Variants in BBS9 observed in about 807,000 individuals in gnomAD.
BBS9 encodes protein PTHB1.
Under a neutral mutation model 117.7 loss-of-function variants are expected in BBS9, and 89 were observed. The ratio of observed to expected loss-of-function variants is 0.76; its 90% CI spans 0.64 to 0.90. The LOEUF is 0.90. Among genes scored for constraint, BBS9 ranks in the 40% least tolerant of loss-of-function variants. BBS9 has a pLI of 0.00. For synonymous variants in BBS9, 379 were observed against 370.9 expected (o/e 1.02, Z -0.25); for missense variants, 982 against 1,042.2 (o/e 0.94, Z 0.80).
At chr7:33,613,532 G>A (rs1864982364) in intron 21 of BBS9, among the ~76,000 whole-genome samples, 1 of 151,890 alleles carries the variant, frequency 6.6e-6, no homozygotes, top group Admixed American at 6.6e-5. Flanking sequence ...GGGGAGGGTT[G>A]GAATTGGAAA....
At chr7:33,319,067 G>A (rs1485903323) in intron 9 of BBS9, among the ~76,000 whole-genome samples, 1 of 151,932 alleles carries the variant, frequency 6.6e-6, no homozygotes, top group Non-Finnish European at 1.5e-5. Flanking sequence ...GGAGGCTGAG[G>A]CAGGAGAATC....
At chr7:33,612,949 A>G (rs963366073) in intron 21 of BBS9, among the ~76,000 whole-genome samples, 2 of 152,136 alleles carry the variant, frequency 1.3e-5, no homozygotes. Context: ...TCATTTTTAT[A>G]TGCACTAAAT....
At chr7:33,174,278 G>A (rs1297558230) in intron 4 of BBS9, among the ~76,000 whole-genome samples, 1 of 152,188 alleles carries the variant, frequency 6.6e-6, no homozygotes, top group Non-Finnish European at 1.5e-5. Flanking sequence ...TGGGTACCTC[G>A]CTTGGTCGCT....
At chr7:33,132,410 A>G (rs1789760349) in intron 1 of BBS9, among the ~76,000 whole-genome samples, 2 of 152,234 alleles carry the variant, frequency 1.3e-5, no homozygotes, top group Admixed American at 6.5e-5. Context: ...TGGCTTTAGT[A>G]AATGATTAGT....
At chr7:33,145,221 T>C (rs1281819567) in intron 1 of BBS9, among the ~76,000 whole-genome samples, 1 of 152,216 alleles carries the variant, frequency 6.6e-6, no homozygotes, top group Non-Finnish European at 1.5e-5. Context: ...TTGACTGCAC[T>C]TCGTAGCTAC....
intron 5 of BBS9, among the ~76,000 whole-genome samples, chr7:33,210,197 G>A (rs1787754753): frequency 6.6e-6 from 1 of 152,026 alleles, no homozygotes; most frequent in African/African-American, 2.4e-5. Context: ...TATTTGTATA[G>A]TTTCCAAAAT....
intron 19 of BBS9, among the ~76,000 whole-genome samples, chr7:33,421,457 T>C (rs1403479872): frequency 6.6e-6 from 1 of 152,200 alleles, no homozygotes; most frequent in Non-Finnish European, 1.5e-5. Context: ...ATTTTGTTAG[T>C]TGAAAATATT....
chr7:33,157,392 T>C (rs1264331919), intron 4 of BBS9, among the ~76,000 whole-genome samples: 2 of 152,204 alleles, frequency 1.3e-5, no homozygotes, highest in African/African-American at 4.8e-5. Context: ...TTTGTGTTCA[T>C]TTAAAAGCTT....
intron 10 of BBS9, among the ~76,000 whole-genome samples, chr7:33,337,490 A>G (rs952831399): frequency 1.3e-5 from 2 of 152,124 alleles, no homozygotes; most frequent in African/African-American, 4.8e-5. Context: ...TTTTGAGTCT[A>G]TGTTACCAAC....
At position 33,452,620 on chromosome 7, in the gene BBS9, G is replaced by A. The variant is rs540489047; in HGVS notation, c.2116-52843G>A. Among the ~76,000 whole-genome samples, 6 of 152,242 alleles carry A rather than the reference G, an allele frequency of 3.9e-5. No individual in the cohort carries two copies. The South Asian group carries it at 1.2e-3, about 32-fold the overall frequency. On this transcript the variant is annotated intron_variant, in intron 19 of 22. Transcript: ENST00000242067. ...GAGCATAATTCGGGAAACATACTAA[G>A]TGTTCACTAAATATCTATTATTAAA...
chr7:33,398,786 T>C (rs962233442), intron 19 of BBS9, among the ~76,000 whole-genome samples: 5 of 152,176 alleles, frequency 3.3e-5, no homozygotes, highest in African/African-American at 1.2e-4. Flanking sequence ...TCACCCAGGC[T>C]AGAGTACGGT....
At chr7:33,284,080 A>G (rs1205210318) in intron 9 of BBS9, among the ~76,000 whole-genome samples, 8 of 152,054 alleles carry the variant, frequency 5.3e-5, no homozygotes, top group Non-Finnish European at 1.2e-4. Context: ...GGTTCTTCTG[A>G]TGTCACTCCT....
At chr7:33,593,918 A>G (rs192593362) in intron 21 of BBS9, among the ~76,000 whole-genome samples, 3 of 152,276 alleles carry the variant, frequency 2.0e-5, no homozygotes, top group Admixed American at 2.0e-4. Flanking sequence ...ATAATTATCA[A>G]TGGATGAAAA....
intron 5 of BBS9, among the ~76,000 whole-genome samples, chr7:33,240,413 A>G (rs1431596918): frequency 1.3e-5 from 2 of 151,960 alleles, no homozygotes; most frequent in Non-Finnish European, 2.9e-5. Flanking sequence ...AGGCGCCACC[A>G]TGCCTGGCTA....
chr7:33,514,575 C>T (rs114108109), intron 20 of BBS9, among the ~76,000 whole-genome samples: 1,897 of 152,200 alleles, frequency 0.012, 25 homozygotes, highest in South Asian at 0.034. Flanking sequence ...CCAGCCTTTG[C>T]TAGCTTTGGG....
chr7:33,344,712 T>A, intron 12 of BBS9, 78 bp downstream of exon 12: 1 of 1,403,478 alleles, frequency 7.1e-7, no homozygotes. Flanking sequence ...TGAGAACTTG[T>A]AAGTAGCTTA....
At chr7:33,546,426 A>G (rs1853381850) in intron 21 of BBS9, among the ~76,000 whole-genome samples, 1 of 152,180 alleles carries the variant, frequency 6.6e-6, no homozygotes, top group Admixed American at 6.5e-5. Context: ...ATACTTTTCC[A>G]TGAATATGAA....
chr7:33,550,146 A>G (rs1854144856), intron 21 of BBS9, among the ~76,000 whole-genome samples: 2 of 152,280 alleles, frequency 1.3e-5, no homozygotes, highest in South Asian at 4.2e-4. Flanking sequence ...AACTTACAAT[A>G]AACATACTTC....
intron 1 of BBS9, among the ~76,000 whole-genome samples, chr7:33,143,428 G>A (rs893230868): frequency 6.6e-6 from 1 of 151,748 alleles, no homozygotes; most frequent in Non-Finnish European, 1.5e-5. Context: ...TTCTTAGGTC[G>A]AATATATTTT....
Sources: allele counts gnomAD v4.1 joint callset (sites outside exome capture counted in the v4.1 genomes callset), GRCh38; gene constraint gnomAD v4.1.1; transcripts MANE v1.5; gene names NCBI Gene and HGNC (gene_info 2026-07-23, HGNC 2026-07-21).